UNKL: variants seen among roughly 807,000 people sequenced by gnomAD.
UNKL encodes unk like zinc finger.
In UNKL, 60 loss-of-function variants were observed where a neutral mutation model predicts 78.0. That is an observed-to-expected ratio of 0.77 (90% CI 0.63 to 0.95). The LOEUF (loss-of-function observed/expected upper bound fraction) is 0.95, where lower values mean the gene tolerates loss of function less well. Ranked by LOEUF, UNKL falls within the 40% of genes least tolerant of loss-of-function variation. The probability of loss-of-function intolerance (pLI) is 0.00; values close to 1 mark genes in which losing one functional copy is unlikely to be tolerated. For missense variants in UNKL, 1,159 were observed against 1,045.7 expected, an observed-to-expected ratio of 1.11 and a Z score of -1.49; for synonymous variants, 608 against 474.8, an observed-to-expected ratio of 1.28 and a Z score of -3.65.
At chr16:1,398,533 C>G in intron 5 of UNKL, 1 of 1,327,582 alleles carries the variant, frequency 7.5e-7, no homozygotes, top group Non-Finnish European at 9.7e-7. Context: ...AAAGGAAGCA[C>G]AGGTGCTCTC....
At chr16:1,372,443 C>A (rs2035935274) in intron 10 of UNKL, among the ~76,000 whole-genome samples, 1 of 152,116 alleles carries the variant, frequency 6.6e-6, no homozygotes, top group Non-Finnish European at 1.5e-5. Flanking sequence ...CAAGGCTGTC[C>A]CCACACATCC....
At chr16:1,401,430 G>A in intron 4 of UNKL, 138 bp downstream of exon 4, 2 of 1,167,284 alleles carry the variant, frequency 1.7e-6, no homozygotes, top group Non-Finnish European at 2.2e-6. Context: ...GCTTGGTATT[G>A]GACTCCACGA....
At chr16:1,395,130 G>A (rs974255176) in intron 6 of UNKL, among the ~76,000 whole-genome samples, 37 of 150,872 alleles carry the variant, frequency 2.5e-4, no homozygotes, top group Middle Eastern at 6.9e-3. Context: ...AAAGTGCCGG[G>A]ATTACAGGCG....
At chr16:1,375,018 C>T (rs535630582) in intron 10 of UNKL, among the ~76,000 whole-genome samples, 97 of 152,354 alleles carry the variant, frequency 6.4e-4, no homozygotes, top group African/African-American at 2.3e-3. Context: ...CTCCGCTTCT[C>T]CTCCCTGGAA....
intron 2 of UNKL, among the ~76,000 whole-genome samples, chr16:1,407,502 A>G (rs2037821433): frequency 6.6e-6 from 1 of 151,998 alleles, no homozygotes; most frequent in South Asian, 2.1e-4. Flanking sequence ...TGAGCCCAGG[A>G]GTTCGAAACC....
chr16:1,406,139 G>C (rs1257027221), intron 2 of UNKL: 1 of 442,108 alleles, frequency 2.3e-6, no homozygotes, highest in Non-Finnish European at 4.6e-6. Flanking sequence ...GGCATAGGTG[G>C]GGGGCCCAGA....
In UNKL at chr16:1,399,145, T is replaced by C; in HGVS notation, c.734+229A>G. 2.7e-6 allele frequency: 3 copies of C among 1,119,456 alleles called. No individual in the cohort carries two copies. Among genetic ancestry groups the C allele is most frequent in the Non-Finnish European group, 3.7e-6 (3 of 815,338 alleles). 69.3% of individuals were successfully genotyped at this position (1,119,456 alleles called of 1,614,324 possible). A position where few individuals can be genotyped will look rare whatever the true frequency, so the allele number is the denominator to read the frequency against. On this transcript the variant is annotated intron_variant, in intron 5 of 14. Coordinates refer to ENST00000389221, the MANE Select transcript of UNKL (RefSeq NM_001372107.1). This position sits in a 1 kb window ranked among gnomAD's most constrained non-coding sequence, Gnocchi z 5.8. ...TGGCAGAGGGGCCCCGGTAGGGGACTGCATGGGAGACACTGAGCGTAGGTG... is the reference window on the plus strand; with the variant it reads ...TGGCAGAGGGGCCCCGGTAGGGGACCGCATGGGAGACACTGAGCGTAGGTG...
At chr16:1,391,648 C>T (rs1164605452) in intron 8 of UNKL, among the ~76,000 whole-genome samples, 1 of 151,930 alleles carries the variant, frequency 6.6e-6, no homozygotes. Context: ...ATGCCTGAAC[C>T]TGCTGGCTCC....
At position 1,370,230 on chromosome 16, in the gene UNKL, C is replaced by T; in HGVS notation, c.1485G>A (p.Gly495=). The stretch of plus-strand genomic sequence containing the variant: ...GCGTCATGGCTGAGGAGCCCACCGG[C>T]CCTGGGAGGGGCTGGGACAGCGAAC... ...PLGSLSQPLP[G]PVGSSAMTPP... Residue 495 remains glycine, a synonymous_variant, in exon 12 of 15, where the codon GGG becomes GGA. Coordinates refer to ENST00000389221, the MANE Select transcript of UNKL (RefSeq NM_001372107.1). 3 of 1,531,708 alleles carry T rather than the reference C, an allele frequency of 2.0e-6. No homozygotes were observed. The highest frequency in any genetic ancestry group is 1.8e-6 in the Non-Finnish European group (2 of 1,139,180). 94.9% of individuals were successfully genotyped at this position (1,531,708 alleles called of 1,614,324 possible).
rs1596742518 is a variant in UNKL at position 1,398,605 on chromosome 16, G to A, written c.734+769C>T. 4.2e-6 allele frequency: 6 copies of A among 1,421,896 alleles called. No homozygotes were observed. The East Asian group carries it at 1.0e-4, about 24-fold the overall frequency. The allele number at this position is 1,421,896 out of a possible 1,614,324, so 88.1% of individuals were successfully genotyped here. ...GGCGAGGGTGGCTCTCTGCTCAAAGGAAGAGCTGGACACAGACAGGGCCTC... is the reference window on the plus strand; with the variant it reads ...GGCGAGGGTGGCTCTCTGCTCAAAGAAAGAGCTGGACACAGACAGGGCCTC... On this transcript the variant is annotated intron_variant, in intron 5 of 14. Coordinates refer to ENST00000389221, the MANE Select transcript of UNKL (RefSeq NM_001372107.1).
chr16:1,380,016 T>C (rs1265811195), intron 10 of UNKL, among the ~76,000 whole-genome samples: 1 of 152,212 alleles, frequency 6.6e-6, no homozygotes, highest in Non-Finnish European at 1.5e-5. Context: ...CGGCGTGAGC[T>C]GGGGCCGCTG....
chr16:1,401,767 C>T (rs2037537845), intron 3 of UNKL, 66 bp from the exon 4 acceptor site: 6 of 1,541,716 alleles, frequency 3.9e-6, no homozygotes, highest in Admixed American at 1.8e-5. Flanking sequence ...AACGAGGTCA[C>T]TGGAGGGCAC....
chr16:1,399,253 G>A lies in UNKL; in HGVS notation c.734+121C>T, dbSNP rs145678918. On this transcript the variant is annotated intron_variant, in intron 5 of 14. Coordinates refer to ENST00000389221, the MANE Select transcript of UNKL (RefSeq NM_001372107.1). The surrounding 1 kb of genome is among the most constrained non-coding windows in gnomAD (Gnocchi z 5.8). ...GTGCTTGGAGATGCCCTCCCCTCCC[G>A]GGGATGATGGTGCCACAAGGGCAGC... 2.1e-5 allele frequency: 29 copies of A among 1,403,996 alleles called. No individual in the cohort carries two copies. Among genetic ancestry groups the A allele is most frequent in the East Asian group, 1.8e-4 (7 of 38,854 alleles). The allele number at this position is 1,403,996 out of a possible 1,614,324, so 87.0% of individuals were successfully genotyped here. A position where few individuals can be genotyped will look rare whatever the true frequency, so the allele number is the denominator to read the frequency against.
At chr16:1,375,970 G>A (rs1342048578) in intron 10 of UNKL, among the ~76,000 whole-genome samples, 2 of 152,224 alleles carry the variant, frequency 1.3e-5, no homozygotes, top group African/African-American at 2.4e-5. Context: ...CAGCAGAGCC[G>A]AGACACTGCA....
At chr16:1,370,641 C>T (rs1043799102) in intron 11 of UNKL, among the ~76,000 whole-genome samples, 1 of 152,216 alleles carries the variant, frequency 6.6e-6, no homozygotes, top group African/African-American at 2.4e-5. Flanking sequence ...AGAGGCCGGA[C>T]ACCCACCAGG....
chr16:1,374,594 G>C (rs939455177), intron 10 of UNKL, among the ~76,000 whole-genome samples: 5 of 152,092 alleles, frequency 3.3e-5, no homozygotes, highest in African/African-American at 1.2e-4. Context: ...GGGCCCAGCA[G>C]AAGCAAAGAG....
intron 2 of UNKL, among the ~76,000 whole-genome samples, chr16:1,407,747 G>A (rs1476328446): frequency 6.6e-6 from 1 of 151,816 alleles, no homozygotes; most frequent in Admixed American, 6.6e-5. Context: ...TGGAAAAGTG[G>A]CACCACAGGA....
chr16:1,384,928 G>C (rs2036750428), intron 10 of UNKL, among the ~76,000 whole-genome samples: 1 of 152,098 alleles, frequency 6.6e-6, no homozygotes, highest in Admixed American at 6.6e-5. Flanking sequence ...CCCGTTCTCA[G>C]TCCCTGAGCC....
chr16:1,400,497 G>A lies in UNKL; in HGVS notation c.599-988C>T, dbSNP rs561505845. Among the ~76,000 whole-genome samples the A allele has an allele frequency of 5.0e-5, 7 of 139,190 alleles. No homozygotes were observed. The South Asian group carries it at 1.1e-3, about 23-fold the overall frequency. 91.3% of individuals were successfully genotyped at this position (139,190 alleles called of 152,430 possible). The stretch of plus-strand genomic sequence containing the variant: ...TGTCCAGAATACACAAATTCACAGA[G>A]ATGGGATGCAGGCCAGTGAGTGCAG... On this transcript the variant is annotated intron_variant, in intron 4 of 14. Coordinates refer to ENST00000389221, the MANE Select transcript of UNKL (RefSeq NM_001372107.1).
Sources: allele counts gnomAD v4.1 joint callset (sites outside exome capture counted in the v4.1 genomes callset), GRCh38; gene constraint gnomAD v4.1.1; non-coding constraint Gnocchi (gnomAD v3.1); transcripts MANE v1.5; gene names NCBI Gene and HGNC (gene_info 2026-07-23, HGNC 2026-07-21).